WWOX: variants seen among roughly 807,000 people sequenced by gnomAD.
The protein encoded by WWOX is WW domain-containing oxidoreductase.
WWOX carries 69 observed loss-of-function variants against 46.2 expected under a neutral mutation model. The observed-to-expected ratio is 1.49, with a 90% CI of 1.23 to 1.82. The LOEUF is 1.82. WWOX is among the 40% of genes most tolerant of loss of function. WWOX has a pLI of 0.00. For missense variants in WWOX, 919 were observed against 542.6 expected (o/e 1.69, Z -6.89); for synonymous variants, 359 against 202.6 (o/e 1.77, Z -6.56).
intron 5 of WWOX, among the ~76,000 whole-genome samples, chr16:78,212,504 A>T (rs1482325268): frequency 6.6e-6 from 1 of 152,208 alleles, no homozygotes; most frequent in Admixed American, 6.5e-5. Context: ...GCAAAGTCCC[A>T]TGAGGACTGA....
intron 8 of WWOX, among the ~76,000 whole-genome samples, chr16:79,195,599 C>T (rs539209618): frequency 1.3e-5 from 2 of 152,274 alleles, no homozygotes; most frequent in African/African-American, 2.4e-5. Flanking sequence ...GCCTCTCTAA[C>T]TTCAGGGTAT....
chr16:79,212,145 T>G lies in WWOX; in HGVS notation c.*349T>G. 1 of 1,517,026 alleles carries G rather than the reference T, an allele frequency of 6.6e-7. No homozygotes were observed. Among genetic ancestry groups the G allele is most frequent in the Non-Finnish European group, 8.8e-7 (1 of 1,137,058 alleles). 94.0% of individuals were successfully genotyped at this position (1,517,026 alleles called of 1,614,324 possible). A position where few individuals can be genotyped will look rare whatever the true frequency, so the allele number is the denominator to read the frequency against. ...TATAGAATAGCCTGAGGTCCCCTCGTCCCATCCAGCTACCACCACGGCCAC... is the reference window on the plus strand; with the variant it reads ...TATAGAATAGCCTGAGGTCCCCTCGGCCCATCCAGCTACCACCACGGCCAC... On this transcript the variant is annotated 3_prime_UTR_variant, in exon 9 of 9. Coordinates refer to ENST00000566780, the MANE Select transcript of WWOX (RefSeq NM_016373.4).
chr16:78,289,715 T>C (rs1369608202), intron 5 of WWOX, among the ~76,000 whole-genome samples: 1 of 152,224 alleles, frequency 6.6e-6, no homozygotes, highest in Non-Finnish European at 1.5e-5. Context: ...AAATAAACAA[T>C]ATTTGAAAAT....
At chr16:79,184,711 G>C (rs529328542) in intron 8 of WWOX, among the ~76,000 whole-genome samples, 7 of 152,322 alleles carry the variant, frequency 4.6e-5, no homozygotes, top group African/African-American at 1.7e-4. Context: ...ACCTTTCCCA[G>C]AAGAGTGGGA....
At chr16:78,418,161 C>G (rs938370870) in intron 6 of WWOX, among the ~76,000 whole-genome samples, 2 of 152,180 alleles carry the variant, frequency 1.3e-5, no homozygotes, top group African/African-American at 4.8e-5. Flanking sequence ...GAGGTCAAGA[C>G]CATCCTGGCT....
intron 5 of WWOX, among the ~76,000 whole-genome samples, chr16:78,293,527 G>A (rs1315747877): frequency 6.6e-6 from 1 of 152,098 alleles, no homozygotes; most frequent in African/African-American, 2.4e-5. Flanking sequence ...CTTCTCCTCT[G>A]AGCGGGAACT....
chr16:78,910,118 A>C (rs1257516761), intron 8 of WWOX, among the ~76,000 whole-genome samples: 1 of 152,060 alleles, frequency 6.6e-6, no homozygotes, highest in Non-Finnish European at 1.5e-5. Flanking sequence ...GTGCTTTGTT[A>C]AATATTCCTC....
rs2081060584 is a variant in WWOX, at chr16:78,344,185, G to A, written c.517-42675G>A. Among the ~76,000 whole-genome samples, 3 of 119,668 alleles carry A rather than the reference G, an allele frequency of 2.5e-5. 1 individual carries two copies. Among genetic ancestry groups the A allele is most frequent in the Middle Eastern group, 8.0e-3 (2 of 250 alleles). 78.5% of individuals were successfully genotyped at this position (119,668 alleles called of 152,430 possible). ...TCCTCGGGCAGGTGCAGGGGAGAAT[G>A]GCTGGTATTTATGAGTGAATGGCAG... On this transcript the variant is annotated intron_variant, in intron 5 of 8. Transcript: ENST00000566780.
chr16:78,907,136 G>A (rs1161182854), intron 8 of WWOX, among the ~76,000 whole-genome samples: 1 of 152,054 alleles, frequency 6.6e-6, no homozygotes, highest in African/African-American at 2.4e-5. Context: ...TTTTTTTAAG[G>A]ATAGTTTTGT....
chr16:78,107,760 A>G (rs1242957854), intron 1 of WWOX, among the ~76,000 whole-genome samples: 2 of 152,196 alleles, frequency 1.3e-5, no homozygotes, highest in Non-Finnish European at 1.5e-5. Flanking sequence ...ACTTGAGTCC[A>G]GGAGTTCCAG....
intron 8 of WWOX, among the ~76,000 whole-genome samples, chr16:78,557,722 G>C (rs1392739942): frequency 1.1e-5 from 1 of 87,342 alleles, no homozygotes; most frequent in Non-Finnish European, 2.0e-5. Context: ...TGAGACAGGA[G>C]TCTCACTCTG....
intron 8 of WWOX, among the ~76,000 whole-genome samples, chr16:78,669,359 T>C (rs2047407175): frequency 6.6e-6 from 1 of 152,214 alleles, no homozygotes; most frequent in Non-Finnish European, 1.5e-5. Context: ...AACTCCAACT[T>C]CTTCAACTAG....
At chr16:78,858,330 A>ATG (rs34753254) in intron 8 of WWOX, among the ~76,000 whole-genome samples, 61,832 of 149,700 alleles carry the variant, frequency 0.41, 12,752 homozygotes, top group South Asian at 0.43. Flanking sequence ...ATATATATAT[A>ATG]TGTGTGTGTG....
rs539593585 is a variant in WWOX, at chr16:79,026,836, A to G, written c.1057-184772A>G. On this transcript the variant is annotated intron_variant, in intron 8 of 8. Coordinates refer to ENST00000566780, the MANE Select transcript of WWOX (RefSeq NM_016373.4). ...AATAGAGACGGGGTTTCACCATGTT[A>G]GCCAGGATGGTCTCAATCTCCTGAC... 3.2e-3 allele frequency among the ~76,000 whole-genome samples: 443 copies of G among 137,364 alleles called. 2 individuals carry two copies. The highest frequency in any genetic ancestry group is 4.4e-3 in the Non-Finnish European group (283 of 64,860). 90.1% of individuals were successfully genotyped at this position (137,364 alleles called of 152,430 possible).
chr16:78,687,508 A>T (rs770015922), intron 8 of WWOX, among the ~76,000 whole-genome samples: 3 of 152,166 alleles, frequency 2.0e-5, no homozygotes, highest in Non-Finnish European at 4.4e-5. Context: ...AGGGCGTCCT[A>T]ATTGTGACTC....
At chr16:78,655,206 C>T (rs909685696) in intron 8 of WWOX, among the ~76,000 whole-genome samples, 1 of 152,086 alleles carries the variant, frequency 6.6e-6, no homozygotes, top group Non-Finnish European at 1.5e-5. Flanking sequence ...AGGTCTCACT[C>T]CCTTCATAGT....
At chr16:78,602,741 C>T (rs1024875851) in intron 8 of WWOX, among the ~76,000 whole-genome samples, 7 of 152,154 alleles carry the variant, frequency 4.6e-5, no homozygotes, top group South Asian at 2.1e-4. Flanking sequence ...TTACTGTATG[C>T]TGGGCACTGC....
intron 8 of WWOX, among the ~76,000 whole-genome samples, chr16:78,606,499 G>A (rs527804513): frequency 1.3e-4 from 20 of 152,032 alleles, no homozygotes; most frequent in African/African-American, 4.3e-4. Flanking sequence ...TGCTATGTCC[G>A]GGAATTTCTT....
chr16:78,401,721 A>G (rs1003211787), intron 6 of WWOX, among the ~76,000 whole-genome samples: 1 of 151,888 alleles, frequency 6.6e-6, no homozygotes, highest in Admixed American at 6.6e-5. Flanking sequence ...TTTTTTTGAG[A>G]CGGAGTCTTG....
Sources: allele counts gnomAD v4.1 joint callset (sites outside exome capture counted in the v4.1 genomes callset), GRCh38; gene constraint gnomAD v4.1.1; transcripts MANE v1.5; gene names NCBI Gene and HGNC (gene_info 2026-07-23, HGNC 2026-07-21).